FN1: variants seen among roughly 807,000 people sequenced by gnomAD.
FN1 encodes fibronectin.
Under a neutral mutation model 297.3 loss-of-function variants are expected in FN1, and 106 were observed. That is an observed-to-expected ratio of 0.36 (90% CI 0.30 to 0.42). The LOEUF (loss-of-function observed/expected upper bound fraction) is 0.42, where lower values mean the gene tolerates loss of function less well. Ranked by LOEUF, FN1 falls within the 10% of genes least tolerant of loss-of-function variation. FN1 has a pLI of 1.00. For missense variants in FN1, 2,690 were observed against 3,124.9 expected (o/e 0.86, Z 3.32); for synonymous variants, 1,149 against 1,152.6 (o/e 1.00, Z 0.06).
chr2:215,366,635 T>C (rs575357228), intron 42 of FN1, among the ~76,000 whole-genome samples: 3 of 152,300 alleles, frequency 2.0e-5, no homozygotes, highest in East Asian at 3.9e-4. Context: ...GAAGCTTATA[T>C]AACAATATAC....
intron 44 of FN1, 36 bp downstream of exon 44, chr2:215,364,843 T>C: frequency 1.4e-6 from 2 of 1,411,624 alleles, no homozygotes; most frequent in Non-Finnish European, 2.0e-6. Flanking sequence ...CTTTATCTTA[T>C]CTAACTTGTA....
chr2:215,378,403 A>G, intron 34 of FN1, 141 bp from the exon 35 acceptor site: 1 of 692,608 alleles, frequency 1.4e-6, no homozygotes, highest in South Asian at 1.5e-5. Context: ...GAAAATTCCT[A>G]GATTAATTTC....
In FN1 at chr2:215,372,091, C is replaced by A; in HGVS notation, c.6532G>T (p.Gly2178Cys). Reference protein sequence around the residue: ...PPNVGEEIQIGHIPREDVDYH... With the variant: ...PPNVGEEIQICHIPREDVDYH... ...TCTACATCTTCCCTGGGGATGTGAC[C>A]AATTTGGATTTCCTCACCTACATTC... is the stretch of plus-strand genomic sequence containing the variant. The change falls in exon 40 of 46, where the codon GGT becomes TGT. Residue 2178 changes from glycine (G) to cysteine (C), a missense_variant. Around this residue, in one of 3 missense-constraint regions of FN1, gnomAD observed 1,743 missense variants for 1,945.2 expected, o/e 0.90. Coordinates refer to ENST00000354785, the MANE Select transcript of FN1 (RefSeq NM_212482.4). 12 of 1,614,150 alleles carry A rather than the reference C, an allele frequency of 7.4e-6. No homozygotes were observed. The highest frequency in any genetic ancestry group is 8.5e-6 in the Non-Finnish European group (10 of 1,180,024).
rs1331436504 is a variant in FN1, at chr2:215,394,476, C to T, written c.3796+52G>A. 19 of 1,412,472 alleles carry T rather than the reference C, an allele frequency of 1.3e-5. No individual in the cohort carries two copies. In the Admixed American group the frequency reaches 2.8e-4, roughly 21 times the overall value. 87.5% of individuals were successfully genotyped at this position (1,412,472 alleles called of 1,614,324 possible). A position where few individuals can be genotyped will look rare whatever the true frequency, so the allele number is the denominator to read the frequency against. On this transcript the variant is annotated intron_variant, in intron 24 of 45. Transcript: ENST00000354785. ...CATCTGGGGATTAAGATGCTAATCC[C>T]CACTCTTATTGGAAGTGTCACTCTC...
At position 215,394,635 on chromosome 2, in the gene FN1, C is replaced by T. The variant is rs1483683430; in HGVS notation, c.3689G>A (p.Ser1230Asn). The T allele has an allele frequency of 1.9e-6, 3 of 1,614,092 alleles. No homozygotes were observed. Among genetic ancestry groups the T allele is most frequent in the Admixed American group, 1.7e-5 (1 of 60,018 alleles). Reference sequence around the variant, plus strand: ...ACTCAGGTTATCAAAAGTGCAGGAGCTCTGATCAGCATGGACCACTTCTTC... The same window carrying T: ...ACTCAGGTTATCAAAAGTGCAGGAGTTCTGATCAGCATGGACCACTTCTTC... ...SLEEVVHADQ[S>N]SCTFDNLSPG... Residue 1230 changes from serine to asparagine, a missense_variant, in exon 24 of 46, where the codon AGC (serine) becomes AAC (asparagine). Around this residue, in one of 3 missense-constraint regions of FN1, gnomAD observed 1,743 missense variants for 1,945.2 expected, o/e 0.90. Transcript: ENST00000354785.
In FN1 at chr2:215,419,253, T is replaced by C. The variant is rs200304359; in HGVS notation, c.1808A>G (p.Gln603Arg). The C allele has an allele frequency of 4.3e-5, 69 of 1,613,942 alleles. No homozygotes were observed. The highest frequency in any genetic ancestry group is 5.7e-5 in the Non-Finnish European group (67 of 1,179,938). The change falls in exon 12 of 46, where the codon CAG (glutamine) becomes CGG (arginine). Residue 603 changes from glutamine (Q) to arginine (R), a missense_variant. Physicochemically the swap from Gln to Arg is conservative, Grantham distance 43 (BLOSUM62 1). Coordinates refer to ENST00000354785, the MANE Select transcript of FN1 (RefSeq NM_212482.4). ...ATAGAGCTACTTACTTGGATAGGTCTGTAAAGGTTGGCAATGCCACTCCCC... is the reference window on the plus strand; with the variant it reads ...ATAGAGCTACTTACTTGGATAGGTCCGTAAAGGTTGGCAATGCCACTCCCC... ...GIGEWHCQPL[Q>R]TYPSSSGPVE...
chr2:215,382,126 T>C (rs2058303419), intron 32 of FN1, 86 bp downstream of exon 32: 2 of 800,738 alleles, frequency 2.5e-6, no homozygotes, highest in East Asian at 5.0e-5. Context: ...TCCCTATGTG[T>C]AATTGCAAAA....
rs1221014367 is a variant in FN1 at position 215,365,803 on chromosome 2, TTTA to T, written c.7019-176_7019-174del. ...ATTTATTTTATTTATTTATTTACTT[TTTA>T]TTTTTTTTTTTTTTTTTGAGACAAA... On this transcript the variant is annotated intron_variant, in intron 42 of 45. Coordinates refer to ENST00000354785, the MANE Select transcript of FN1 (RefSeq NM_212482.4). The T allele has an allele frequency of 1.2e-4, 34 of 279,724 alleles. No homozygotes were observed. In the South Asian group the frequency reaches 1.7e-3, roughly 14 times the overall value. The allele number at this position is 279,724 out of a possible 1,614,324, so 17.3% of individuals were successfully genotyped here.
intron 1 of FN1, among the ~76,000 whole-genome samples, chr2:215,435,254 C>T (rs1006054896): frequency 1.3e-5 from 2 of 152,136 alleles, no homozygotes; most frequent in African/African-American, 2.4e-5. Context: ...ACCCCCTTTC[C>T]ACCCCCATGT....
chr2:215,391,766 G>C lies in FN1; in HGVS notation c.4118C>G (p.Thr1373Ser). 1.9e-6 allele frequency: 3 copies of C among 1,614,194 alleles called. No individual in the cohort carries two copies. The highest frequency in any genetic ancestry group is 2.5e-6 in the Non-Finnish European group (3 of 1,180,016). The change falls in exon 26 of 46, where the codon ACC becomes AGC. Residue 1373 changes from threonine to serine, a missense_variant. Thr to Ser is a moderately conservative substitution (Grantham distance 58). Transcript: ENST00000354785. ...DLRFTNIGPD[T>S]MRVTWAPPPS... ...GGGTGGAGCCCAGGTGACACGCATGGTGTCTGGACCAATGTTGGTGAATCG... is the reference window on the plus strand; with the variant it reads ...GGGTGGAGCCCAGGTGACACGCATGCTGTCTGGACCAATGTTGGTGAATCG...
At chr2:215,376,735 A>G in intron 35 of FN1, 61 bp from the exon 36 acceptor site, 4 of 1,493,912 alleles carry the variant, frequency 2.7e-6, no homozygotes, top group Non-Finnish European at 3.7e-6. Flanking sequence ...AAGTTTTGGT[A>G]TTTTAAAACG....
chr2:215,429,859 C>T (rs1190962055), intron 5 of FN1, among the ~76,000 whole-genome samples: 1 of 152,130 alleles, frequency 6.6e-6, no homozygotes, highest in South Asian at 2.1e-4. Context: ...TTAAAGAGTT[C>T]TAAATAACAG....
rs1429764163 is a variant in FN1 at position 215,370,260 on chromosome 2, G to A, written c.6853+34C>T. The A allele has an allele frequency of 2.5e-6, 4 of 1,611,658 alleles. No individual in the cohort carries two copies. In the Admixed American group the frequency reaches 6.7e-5, roughly 27 times the overall value. On this transcript the variant is annotated intron_variant, in intron 41 of 45. Transcript: ENST00000354785. ...GCCCATCTCTGGTGTACAGCAGAGG[G>A]GAGCCTGTGTCTAAATAGTACGTGT...
In FN1 at chr2:215,388,199, CAA is replaced by C; in HGVS notation, c.4342+11_4342+12del. On this transcript the variant is annotated intron_variant, in intron 27 of 45. Transcript: ENST00000354785. The stretch of plus-strand genomic sequence containing the variant: ...AAAAGCTACTGGATAGTCATACTGC[CAA>C]CACCACTCACCTGTTTTCTGTCTTC... 6.3e-7 allele frequency: 1 copy of C among 1,599,952 alleles called. No individual in the cohort carries two copies. The highest frequency in any genetic ancestry group is 8.6e-7 in the Non-Finnish European group (1 of 1,167,204).
At chr2:215,415,490 G>A (rs1276226507) in intron 12 of FN1, among the ~76,000 whole-genome samples, 2 of 152,068 alleles carry the variant, frequency 1.3e-5, no homozygotes, top group African/African-American at 4.8e-5. Flanking sequence ...AATAGCAAAG[G>A]TAATAATTAA....
intron 20 of FN1, among the ~76,000 whole-genome samples, chr2:215,401,198 A>AAAAAGAAAGAAAGAAAG (rs2060989870): frequency 2.3e-5 from 2 of 86,780 alleles, no homozygotes; most frequent in African/African-American, 1.0e-4. Flanking sequence ...AGAAAGAAAG[A>AAAAAGAAAGAAAGAAAG]AAAGAAAGAA....
At chr2:215,385,076 A>G (rs2058730708) in intron 28 of FN1, 100 bp from the exon 29 acceptor site, 1 of 853,368 alleles carries the variant, frequency 1.2e-6, no homozygotes, top group African/African-American at 1.7e-5. Flanking sequence ...TGATTCTTCC[A>G]TACAATCATG....
chr2:215,422,373 A>C (rs2064555057), intron 9 of FN1, 130 bp from the exon 10 acceptor site: 1 of 904,878 alleles, frequency 1.1e-6, no homozygotes, highest in African/African-American at 1.6e-5. Flanking sequence ...TGTGTGCATC[A>C]AAGACATCTA....
chr2:215,394,774 T>C (rs2060111608), intron 23 of FN1, 55 bp from the exon 24 acceptor site: 2 of 1,370,298 alleles, frequency 1.5e-6, no homozygotes, highest in Non-Finnish European at 2.1e-6. Flanking sequence ...AGCCAGAGCA[T>C]ATTTAACTAG....
Sources: gnomAD v4.1 joint callset for allele counts (sites outside exome capture counted in the v4.1 genomes callset) on GRCh38, gnomAD v4.1.1 for gene constraint, gnomAD v4.1.1 regional missense constraint, MANE v1.5 for transcripts, NCBI Gene and HGNC (gene_info 2026-07-23, HGNC 2026-07-21) for gene names.